Variants in UBN1 observed in about 807,000 individuals in gnomAD.
UBN1 encodes ubinuclein 1.
In UBN1, 17 loss-of-function variants were observed where a neutral mutation model predicts 108.5. That is an observed-to-expected ratio of 0.16 (90% CI 0.11 to 0.24). The LOEUF (loss-of-function observed/expected upper bound fraction) is 0.24, where lower values mean the gene tolerates loss of function less well. Ranked by LOEUF, UBN1 falls within the 10% of genes least tolerant of loss-of-function variation. The pLI is 1.00. For missense variants in UBN1, 1,595 were observed against 1,394.4 expected (o/e 1.14, Z -2.29); for synonymous variants, 726 against 564.2 (o/e 1.29, Z -4.07).
Position 4,877,402 on chromosome 16 carries a change from C to T in UBN1, c.3283C>T (p.His1095Tyr). The change falls in exon 17 of 18, where the codon CAC becomes TAC. Residue 1095 changes from histidine (H) to tyrosine (Y), a missense_variant. Physicochemically the swap from His to Tyr is moderately conservative, Grantham distance 83. Transcript: ENST00000262376. This position sits in a 1 kb window ranked among gnomAD's most constrained non-coding sequence, Gnocchi z 4.3. The stretch of plus-strand genomic sequence containing the variant: ...TCTCTCAGGTCTTCTGGCTGGCTTG[C>T]ACTCCAGCCCGCCCCATGCAGCGCC... Reference protein sequence around the residue: ...GLGHSLLAGLHSSPPHAAPLP... With the variant: ...GLGHSLLAGLYSSPPHAAPLP... The T allele has an allele frequency of 6.2e-7, 1 of 1,611,656 alleles. No individual in the cohort carries two copies. The highest frequency in any genetic ancestry group is 2.2e-5 in the East Asian group (1 of 44,828).
chr16:4,872,780 A>T, intron 12 of UBN1, 104 bp from the exon 13 acceptor site: 2 of 1,357,256 alleles, frequency 1.5e-6, no homozygotes, highest in Non-Finnish European at 2.1e-6. Flanking sequence ...GTTGACATTT[A>T]ATGAGGGATA....
At chr16:4,860,565 T>G in intron 6 of UBN1, 99 bp from the exon 7 acceptor site, 71 of 1,244,580 alleles carry the variant, frequency 5.7e-5, no homozygotes, top group Middle Eastern at 2.0e-4. Flanking sequence ...TGACAGGTTC[T>G]CCTGGAGACC....
intron 2 of UBN1, among the ~76,000 whole-genome samples, chr16:4,855,548 C>A (rs9933574): frequency 1.5e-5 from 2 of 137,758 alleles, no homozygotes; most frequent in Non-Finnish European, 3.0e-5. Flanking sequence ...CCTGGGAGGT[C>A]AAGGTTGCAG....
chr16:4,850,054 C>G (rs1309393891), intron 1 of UBN1, among the ~76,000 whole-genome samples: 1 of 150,118 alleles, frequency 6.7e-6, no homozygotes, highest in Non-Finnish European at 1.5e-5. Flanking sequence ...AGCATTCAAA[C>G]ATGTTTGAAC....
In UBN1 at chr16:4,861,396, TC is replaced by T. The variant is rs374276413; in HGVS notation, c.1110+295del. 2.8e-4 allele frequency among the ~76,000 whole-genome samples: 42 copies of T among 152,350 alleles called. 1 individual carries two copies. The East Asian group carries it at 7.9e-3, about 29-fold the overall frequency. On this transcript the variant is annotated intron_variant, in intron 7 of 17. Coordinates refer to ENST00000262376, the MANE Select transcript of UBN1 (RefSeq NM_001079514.3). The stretch of plus-strand genomic sequence containing the variant: ...TGTTTTCCACACGGCATCTTTTCCT[TC>T]ATGTGATAGACGGATGATGTTGGCA...
rs1475038087 is a variant in UBN1 at position 4,847,592 on chromosome 16, C to T, written c.-658C>T. ...GCGAGAGGGAGCCGGCCTCGCGGCT[C>T]GCCCCGCCCCCGGGTCTTGGACTCC... is the stretch of plus-strand genomic sequence containing the variant. On this transcript the variant is annotated 5_prime_UTR_variant, in exon 1 of 18. Coordinates refer to ENST00000262376, the MANE Select transcript of UBN1 (RefSeq NM_001079514.3). 2 of 353,424 alleles carry T rather than the reference C, an allele frequency of 5.7e-6. No homozygotes were observed. Among genetic ancestry groups the T allele is most frequent in the Non-Finnish European group, 1.0e-5 (2 of 194,548 alleles). 21.9% of individuals were successfully genotyped at this position (353,424 alleles called of 1,614,324 possible).
chr16:4,857,243 A>G (rs751847599), intron 2 of UBN1, among the ~76,000 whole-genome samples: 6 of 151,802 alleles, frequency 4.0e-5, no homozygotes, highest in Non-Finnish European at 8.8e-5. Context: ...CCAGCTATTC[A>G]GGAGGCTGAG....
chr16:4,861,706 C>T (rs1478816552), intron 7 of UBN1, among the ~76,000 whole-genome samples: 1 of 152,196 alleles, frequency 6.6e-6, no homozygotes, highest in East Asian at 1.9e-4. Flanking sequence ...CTTTGGGAGG[C>T]CGAGGTGGGC....
At chr16:4,875,513 G>T (rs1435549547) in intron 15 of UBN1, 79 bp downstream of exon 15, 1 of 1,524,434 alleles carries the variant, frequency 6.6e-7, no homozygotes, top group Non-Finnish European at 8.8e-7. Context: ...TGCCCCGGGT[G>T]GAGAGTGAGA....
At chr16:4,852,001 AATTT>A (rs1361174737) in intron 1 of UBN1, among the ~76,000 whole-genome samples, 18 of 152,256 alleles carry the variant, frequency 1.2e-4, no homozygotes, top group Admixed American at 3.3e-4. Flanking sequence ...AGAAAGTCAC[AATTT>A]ATTCAACCAT....
intron 7 of UBN1, among the ~76,000 whole-genome samples, chr16:4,868,331 T>C (rs79749442): frequency 0.02 from 3,026 of 152,356 alleles, 103 homozygotes; most frequent in African/African-American, 0.069. Flanking sequence ...AATAGAGAGC[T>C]CGTGGTATAC....
At chr16:4,876,534 CTT>C (rs377184055) in intron 15 of UBN1, among the ~76,000 whole-genome samples, 3 of 141,724 alleles carry the variant, frequency 2.1e-5, no homozygotes, top group Non-Finnish European at 1.5e-5. Context: ...ACAAAGGAGG[CTT>C]TTTTTTTTTG....
rs1287846102 is a variant in UBN1 at position 4,880,946 on chromosome 16, A to C, written c.*814A>C. 6.6e-6 allele frequency: 1 copy of C among 152,478 alleles called. No individual in the cohort carries two copies. The highest frequency in any genetic ancestry group is 1.9e-4 in the East Asian group (1 of 5,192). The allele number at this position is 152,478 out of a possible 1,614,324, so 9.4% of individuals were successfully genotyped here. ...AGCCCTCTGAATGGATCTGAGACGA[A>C]GACCTTTTTAAAGATATGTCTGTAT... is the stretch of plus-strand genomic sequence containing the variant. On this transcript the variant is annotated 3_prime_UTR_variant, in exon 18 of 18. Transcript: ENST00000262376.
chr16:4,880,125 A>C lies in UBN1; in HGVS notation c.3398A>C (p.Lys1133Thr). The C allele has an allele frequency of 6.2e-7, 1 of 1,613,838 alleles. No homozygotes were observed. Among genetic ancestry groups the C allele is most frequent in the Non-Finnish European group, 8.5e-7 (1 of 1,179,952 alleles). Reference sequence around the variant, plus strand: ...GGGAAAGGGCCTGCTGTACCACGGAAATTGTGACCGCTTCAGAGGCAAGGC... The same window carrying C: ...GGGAAAGGGCCTGCTGTACCACGGACATTGTGACCGCTTCAGAGGCAAGGC... ...LHGKGPAVPR[K>T]L Residue 1133 changes from lysine (K) to threonine (T), a missense_variant, in exon 18 of 18, where the codon AAA becomes ACA. By Grantham distance (78) the Lys-to-Thr change is moderately conservative. Around this residue, in one of 3 missense-constraint regions of UBN1, gnomAD observed 1,398 missense variants for 1,194.7 expected, o/e 1.17. Coordinates refer to ENST00000262376, the MANE Select transcript of UBN1 (RefSeq NM_001079514.3).
At chr16:4,857,668 A>G (rs2086877522) in intron 2 of UBN1, among the ~76,000 whole-genome samples, 2 of 152,170 alleles carry the variant, frequency 1.3e-5, no homozygotes, top group East Asian at 1.9e-4. Context: ...AAGAGTTACA[A>G]AGGAAGTCCA....
At chr16:4,869,586 T>C in intron 8 of UBN1, among the ~76,000 whole-genome samples, 1 of 152,182 alleles carries the variant, frequency 6.6e-6, no homozygotes, top group East Asian at 1.9e-4. Flanking sequence ...AAAATGTGGG[T>C]GTTCTACCAC....
At chr16:4,879,030 ATTTT>A (rs1416122446) in intron 17 of UBN1, among the ~76,000 whole-genome samples, 3 of 151,750 alleles carry the variant, frequency 2.0e-5, no homozygotes, top group Non-Finnish European at 4.4e-5. Context: ...TTTCTGCTAT[ATTTT>A]CATTTTTCCT....
chr16:4,872,268 A>G (rs2087680721), intron 12 of UBN1: 1 of 985,348 alleles, frequency 1.0e-6, no homozygotes, highest in Non-Finnish European at 1.2e-6. Flanking sequence ...TATTCCTGGA[A>G]TGGAGGGACT....
intron 2 of UBN1, 66 bp from the exon 3 acceptor site, chr16:4,857,924 A>G: frequency 8.2e-7 from 1 of 1,216,042 alleles, no homozygotes. Flanking sequence ...TAATCAGTGA[A>G]GTTTCTATGA....
Sources: gnomAD v4.1 joint callset for allele counts (sites outside exome capture counted in the v4.1 genomes callset) on GRCh38, gnomAD v4.1.1 for gene constraint, gnomAD v4.1.1 regional missense constraint, Gnocchi (gnomAD v3.1) non-coding constraint, MANE v1.5 for transcripts, NCBI Gene and HGNC (gene_info 2026-07-23, HGNC 2026-07-21) for gene names.